Variants in C1orf87 observed in about 807,000 individuals in gnomAD.
C1orf87 encodes the protein uncharacterized protein C1orf87.
A neutral mutation model predicts 60.5 loss-of-function variants in C1orf87; 58 were observed. That is an observed-to-expected ratio of 0.96 (90% CI 0.78 to 1.19). The LOEUF (loss-of-function observed/expected upper bound fraction) is 1.19, where lower values mean the gene tolerates loss of function less well. C1orf87 is among the 50% of genes most tolerant of loss of function. The pLI, the probability that C1orf87 is intolerant of heterozygous loss-of-function variation, is 0.00. For synonymous variants in C1orf87, 236 were observed against 227.4 expected, an observed-to-expected ratio of 1.04 and a Z score of -0.34; for missense variants, 673 against 638.6, an observed-to-expected ratio of 1.05 and a Z score of -0.58.
At chr1:59,997,934 G>A in intron 10 of C1orf87, 118 bp from the exon 11 acceptor site, 2 of 959,388 alleles carry the variant, frequency 2.1e-6, no homozygotes, top group Non-Finnish European at 3.1e-6. Flanking sequence ...AGTTTGGAAA[G>A]CTAAGAGGAT....
In C1orf87 at chr1:60,037,995, T is replaced by G; in HGVS notation, c.860A>C (p.Gln287Pro). 1 of 1,603,192 alleles carries G rather than the reference T, an allele frequency of 6.2e-7. No homozygotes were observed. Among genetic ancestry groups the G allele is most frequent in the Non-Finnish European group, 8.5e-7 (1 of 1,171,424 alleles). ...RKTESHGTHSQSTPPQHSSSQ... is the reference protein window; with the variant it reads ...RKTESHGTHSPSTPPQHSSSQ... ...TCACAAAAAGGGAGAAGAGTACCTT[T>G]GGCTATGAGTGCCATGACTCTCAGT... Residue 287 changes from glutamine to proline, a missense_variant, in exon 6 of 12, where the codon CAA becomes CCA. By Grantham distance (76) the Gln-to-Pro change is moderately conservative (BLOSUM62 -1). Coordinates refer to ENST00000371201, the MANE Select transcript of C1orf87 (RefSeq NM_152377.3).
chr1:60,013,693 T>C (rs1645105036), intron 8 of C1orf87, among the ~76,000 whole-genome samples: 1 of 151,946 alleles, frequency 6.6e-6, no homozygotes, highest in Non-Finnish European at 1.5e-5. Context: ...TTTTTTTTTT[T>C]TAATTAGGTG....
chr1:60,028,767 T>G (rs1282886900), intron 7 of C1orf87, among the ~76,000 whole-genome samples: 1 of 152,188 alleles, frequency 6.6e-6, no homozygotes, highest in African/African-American at 2.4e-5. Flanking sequence ...TCAATCCTAT[T>G]TATAGATGAT....
chr1:60,040,893 C>A, intron 4 of C1orf87, 98 bp downstream of exon 4: 1 of 1,380,758 alleles, frequency 7.2e-7, no homozygotes, highest in Non-Finnish European at 9.7e-7. Flanking sequence ...ATGACCAGCC[C>A]TCAGACCAAC....
intron 9 of C1orf87, among the ~76,000 whole-genome samples, chr1:60,001,386 T>C (rs542359907): frequency 6.6e-6 from 1 of 152,174 alleles, no homozygotes; most frequent in East Asian, 1.9e-4. Flanking sequence ...TCTAAATTTT[T>C]ATTTAGTTAC....
Position 60,040,160 on chromosome 1 carries a change from A to T in C1orf87, c.504T>A (p.Ser168Arg), listed in dbSNP as rs1038678940. Reference sequence around the variant, plus strand: ...GAAAAGCGTCTTCATTTGTTGTCCCACTTGGGCTCTGGCCAATATCCTAAC... The same window carrying T: ...GAAAAGCGTCTTCATTTGTTGTCCCTCTTGGGCTCTGGCCAATATCCTAAC... ...DQPEDIGQSP[S>R]GTTNEDAFLL... Residue 168 changes from serine to arginine, a missense_variant, in exon 5 of 12, where the codon AGT (serine) becomes AGA (arginine). Transcript: ENST00000371201. 6.2e-7 allele frequency: 1 copy of T among 1,613,590 alleles called. No homozygotes were observed. Among genetic ancestry groups the T allele is most frequent in the Non-Finnish European group, 8.5e-7 (1 of 1,179,882 alleles).
Position 60,010,382 on chromosome 1 carries a change from TG to T in C1orf87, c.1192+9del, listed in dbSNP as rs1366230114. 6.2e-7 allele frequency: 1 copy of T among 1,610,042 alleles called. No individual in the cohort carries two copies. The highest frequency in any genetic ancestry group is 8.5e-7 in the Non-Finnish European group (1 of 1,177,334). On this transcript the variant is annotated intron_variant, in intron 9 of 11. Transcript: ENST00000371201. The stretch of plus-strand genomic sequence containing the variant: ...AGGTCTCTCTGGAGCAAAAAAATAA[TG>T]GAACTCACCTGTAGGCAAATCAGAT...
intron 8 of C1orf87, among the ~76,000 whole-genome samples, chr1:60,018,289 G>A (rs1645137378): frequency 6.6e-6 from 1 of 152,200 alleles, no homozygotes; most frequent in South Asian, 2.1e-4. Flanking sequence ...GATGAAACAG[G>A]TATATTTCTT....
At chr1:60,044,155 G>A (rs191659481) in intron 3 of C1orf87, among the ~76,000 whole-genome samples, 1 of 152,190 alleles carries the variant, frequency 6.6e-6, no homozygotes, top group Non-Finnish European at 1.5e-5. Flanking sequence ...TCAGCCTCCC[G>A]AGTAGCTGGG....
In C1orf87 at chr1:59,990,702, G is replaced by T. The variant is rs1269416723; in HGVS notation, c.1612C>A (p.Pro538Thr). Residue 538 changes from proline (P) to threonine (T), a missense_variant, in exon 12 of 12, where the codon CCA becomes ACA. By Grantham distance (38) the Pro-to-Thr change is conservative. Transcript: ENST00000371201. ...FRSGENMLLE[P>T]ALRYLKEL is the part of the protein sequence containing the mutation. ...AGCTCCTTTAAGTACCGCAGTGCTGGCTCCAAGAGCATATTTTCTCCCGAA... is the reference window on the plus strand; with the variant it reads ...AGCTCCTTTAAGTACCGCAGTGCTGTCTCCAAGAGCATATTTTCTCCCGAA... 1.3e-5 allele frequency: 21 copies of T among 1,613,894 alleles called. No individual in the cohort carries two copies. The highest frequency in any genetic ancestry group is 1.7e-4 in the Middle Eastern group (1 of 6,060).
intron 9 of C1orf87, among the ~76,000 whole-genome samples, chr1:60,009,932 G>A (rs902575124): frequency 2.0e-5 from 3 of 151,512 alleles, no homozygotes; most frequent in Admixed American, 6.6e-5. Context: ...AATAGCCCAC[G>A]AAGGATCTTT....
intron 8 of C1orf87, among the ~76,000 whole-genome samples, chr1:60,019,736 C>T (rs1407981297): frequency 6.6e-6 from 1 of 152,168 alleles, no homozygotes; most frequent in Non-Finnish European, 1.5e-5. Flanking sequence ...TCTTTCTACG[C>T]TTCAGCAAAG....
intron 2 of C1orf87, among the ~76,000 whole-genome samples, chr1:60,071,760 C>T (rs1464626758): frequency 2.0e-5 from 3 of 152,194 alleles, no homozygotes; most frequent in African/African-American, 4.8e-5. Context: ...TTTCTTCTTG[C>T]ACCTATGTTC....
At chr1:60,043,608 A>C (rs1399624797) in intron 3 of C1orf87, among the ~76,000 whole-genome samples, 3 of 152,028 alleles carry the variant, frequency 2.0e-5, no homozygotes, top group African/African-American at 7.3e-5. Flanking sequence ...GATGGTCTCG[A>C]TCTCTTGACC....
chr1:60,007,774 T>C (rs61527971), intron 9 of C1orf87, among the ~76,000 whole-genome samples: 7,613 of 152,114 alleles, frequency 0.05, 249 homozygotes, highest in Admixed American at 0.089. Flanking sequence ...TATATGTACA[T>C]TGAAAAACAA....
intron 3 of C1orf87, among the ~76,000 whole-genome samples, chr1:60,041,871 T>C (rs1238160480): frequency 6.6e-6 from 1 of 152,132 alleles, no homozygotes. Flanking sequence ...AGCCTTTTTT[T>C]CTCCTGCCTT....
intron 8 of C1orf87, among the ~76,000 whole-genome samples, chr1:60,011,686 A>G (rs1645086192): frequency 6.6e-6 from 1 of 152,122 alleles, no homozygotes; most frequent in Admixed American, 6.6e-5. Context: ...GGAAATACAT[A>G]TGCTGGGTTT....
At chr1:60,019,125 C>G (rs1161891129) in intron 8 of C1orf87, among the ~76,000 whole-genome samples, 1 of 152,166 alleles carries the variant, frequency 6.6e-6, no homozygotes, top group Non-Finnish European at 1.5e-5. Flanking sequence ...TAATGTCAAA[C>G]TGTATTCTCC....
chr1:60,063,792 A>G (rs1415551498), intron 2 of C1orf87, among the ~76,000 whole-genome samples: 3 of 152,126 alleles, frequency 2.0e-5, no homozygotes, highest in Admixed American at 2.0e-4. Flanking sequence ...CAGCAGGTAT[A>G]TGGGTTCCCT....
Sources: gnomAD v4.1 joint callset for allele counts (sites outside exome capture counted in the v4.1 genomes callset) on GRCh38, gnomAD v4.1.1 for gene constraint, MANE v1.5 for transcripts, NCBI Gene and HGNC (gene_info 2026-07-23, HGNC 2026-07-21) for gene names.